The following CASR variants were observed in gnomAD, a reference collection of about 807,000 sequenced individuals.
The protein encoded by CASR is extracellular calcium-sensing receptor.
In CASR, 23 loss-of-function variants were observed where a neutral mutation model predicts 69.1. The ratio of observed to expected loss-of-function variants is 0.33; its 90% confidence interval spans 0.24 to 0.47. The LOEUF is 0.47. Ranked by LOEUF, CASR falls within the 20% of genes least tolerant of loss-of-function variation. CASR has a pLI of 1.00. For synonymous variants in CASR, 541 were observed against 544.7 expected, an observed-to-expected ratio of 0.99 and a Z score of 0.10; for missense variants, 924 against 1,356.1, an observed-to-expected ratio of 0.68 and a Z score of 5.00.
At position 122,261,740 on chromosome 3, in the gene CASR, C is replaced by A. The variant is rs199887150; in HGVS notation, c.705C>A (p.Ile235=). The change falls in exon 4 of 7, where the codon ATC becomes ATA. Residue 235 remains isoleucine (I), a synonymous_variant. Coordinates refer to ENST00000639785, the MANE Select transcript of CASR (RefSeq NM_000388.4). ...KFREEAEERD[I]CIDFSELISQ... ...GAGAGGAAGCTGAGGAAAGGGATAT[C>A]TGCATCGACTTCAGTGAACTCATCT... The A allele has an allele frequency of 9.3e-6, 15 of 1,614,176 alleles. No homozygotes were observed. The African/African-American group carries it at 1.2e-4, about 13-fold the overall frequency.
In CASR at chr3:122,290,662, T is replaced by G. The variant is rs780016435; in HGVS notation, c.*5471T>G. ...AACATGCAACCAAATTTTAAACAGA[T>G]AAGTATATCATATTAGATAGGAATC... On this transcript the variant is annotated 3_prime_UTR_variant, in exon 7 of 7. Transcript: ENST00000639785. The G allele has an allele frequency of 6.6e-6, 1 of 152,012 alleles. No homozygotes were observed. The highest frequency in any genetic ancestry group is 1.5e-5 in the Non-Finnish European group (1 of 68,006). 9.4% of individuals were successfully genotyped at this position (152,012 alleles called of 1,614,324 possible).
intron 2 of CASR, among the ~76,000 whole-genome samples, chr3:122,255,012 C>G (rs1223607837): frequency 6.7e-6 from 1 of 149,298 alleles, no homozygotes; most frequent in Non-Finnish European, 1.5e-5. Context: ...AATAGATTCT[C>G]TCTGTGGCCA....
At chr3:122,274,694 G>C (rs2074795530) in intron 4 of CASR, among the ~76,000 whole-genome samples, 1 of 152,164 alleles carries the variant, frequency 6.6e-6, no homozygotes, top group African/African-American at 2.4e-5. Flanking sequence ...TTGAGCCCAG[G>C]AGTTTGAGAC....
At chr3:122,254,747 A>G (rs532427885) in intron 2 of CASR, among the ~76,000 whole-genome samples, 61 of 152,286 alleles carry the variant, frequency 4.0e-4, no homozygotes, top group African/African-American at 1.4e-3. Flanking sequence ...TTGACCTTAC[A>G]TGCTCCAATG....
At chr3:122,193,109 T>G (rs2073854268) in intron 1 of CASR, among the ~76,000 whole-genome samples, 2 of 152,170 alleles carry the variant, frequency 1.3e-5, no homozygotes, top group Admixed American at 1.3e-4. Flanking sequence ...ACATTGTATC[T>G]TTTTATTTGA....
chr3:122,194,603 G>T (rs1468911892), intron 1 of CASR, among the ~76,000 whole-genome samples: 1 of 152,146 alleles, frequency 6.6e-6, no homozygotes, highest in Admixed American at 6.5e-5. Flanking sequence ...TCATGAGAAG[G>T]AAGTCTTTTT....
chr3:122,276,018 C>A lies in CASR; in HGVS notation c.1584C>A (p.Ile528=). ...GERLFINEEK[I]LWSGFSREVP... Reference sequence around the variant, plus strand: ...GACTCTTCATCAACGAGGAGAAAATCCTGTGGAGTGGGTTCTCCAGGGAGG... The same window carrying A: ...GACTCTTCATCAACGAGGAGAAAATACTGTGGAGTGGGTTCTCCAGGGAGG... The change falls in exon 5 of 7, where the codon ATC becomes ATA. Residue 528 remains isoleucine, a synonymous_variant. Transcript: ENST00000639785. 2 of 1,612,616 alleles carry A rather than the reference C, an allele frequency of 1.2e-6. No homozygotes were observed. The highest frequency in any genetic ancestry group is 1.7e-6 in the Non-Finnish European group (2 of 1,178,628).
At chr3:122,228,885 C>T (rs547641436) in intron 1 of CASR, among the ~76,000 whole-genome samples, 117 of 152,306 alleles carry the variant, frequency 7.7e-4, no homozygotes, top group Admixed American at 1.5e-3. Context: ...GACACCTGAC[C>T]CTCTCCTTTG....
At chr3:122,207,486 A>G (rs763920153) in intron 1 of CASR, among the ~76,000 whole-genome samples, 4 of 152,168 alleles carry the variant, frequency 2.6e-5, no homozygotes, top group Admixed American at 6.5e-5. Context: ...TCTGACTACT[A>G]TGAAATAAAA....
chr3:122,245,845 A>G (rs182968566), intron 1 of CASR, among the ~76,000 whole-genome samples: 1 of 152,354 alleles, frequency 6.6e-6, no homozygotes, highest in East Asian at 1.9e-4. Context: ...AATTAAAACT[A>G]AAAGAATTCT....
At chr3:122,211,991 G>T (rs2074072252) in intron 1 of CASR, among the ~76,000 whole-genome samples, 2 of 152,196 alleles carry the variant, frequency 1.3e-5, no homozygotes, top group African/African-American at 4.8e-5. Context: ...CATTGTGGAA[G>T]ACAGTGTGGC....
intron 4 of CASR, among the ~76,000 whole-genome samples, chr3:122,270,134 C>A (rs1007817000): frequency 2.6e-5 from 4 of 152,104 alleles, no homozygotes; most frequent in Admixed American, 6.5e-5. Flanking sequence ...GAACCACTGT[C>A]CATGGCCTGT....
chr3:122,199,414 A>G lies in CASR; in HGVS notation c.-243+15602A>G, dbSNP rs541188068. On this transcript the variant is annotated intron_variant, in intron 1 of 6. Transcript: ENST00000639785. ...CTAAGAAATTATCTTCCTTTTTTCTATATGCTGAATTATTGTATTTGCAGT... is the reference window on the plus strand; with the variant it reads ...CTAAGAAATTATCTTCCTTTTTTCTGTATGCTGAATTATTGTATTTGCAGT... 1.8e-4 allele frequency among the ~76,000 whole-genome samples: 28 copies of G among 152,312 alleles called. 1 individual carries two copies. The South Asian group carries it at 5.2e-3, about 28-fold the overall frequency.
intron 1 of CASR, among the ~76,000 whole-genome samples, chr3:122,192,976 A>T (rs550728744): frequency 1.3e-5 from 2 of 152,288 alleles, no homozygotes; most frequent in South Asian, 4.2e-4. Context: ...TCTTACTATA[A>T]ATATGCTCAG....
intron 1 of CASR, among the ~76,000 whole-genome samples, chr3:122,189,485 ATGAT>A (rs1453667093): frequency 6.6e-6 from 1 of 152,098 alleles, no homozygotes; most frequent in African/African-American, 2.4e-5. Context: ...TTTTTCATCT[ATGAT>A]TGATTTTTTT....
At chr3:122,252,859 T>C (rs1363660019) in intron 1 of CASR, among the ~76,000 whole-genome samples, 2 of 152,170 alleles carry the variant, frequency 1.3e-5, no homozygotes, top group African/African-American at 4.8e-5. Flanking sequence ...CAGTTGGCAG[T>C]CCAGTGCTTG....
intron 4 of CASR, among the ~76,000 whole-genome samples, chr3:122,275,105 G>A (rs1023859756): frequency 6.6e-6 from 1 of 152,218 alleles, no homozygotes; most frequent in Non-Finnish European, 1.5e-5. Context: ...TGGATATAAA[G>A]TACTTAGGGT....
chr3:122,235,848 C>G (rs111703899), intron 1 of CASR, among the ~76,000 whole-genome samples: 1 of 152,120 alleles, frequency 6.6e-6, no homozygotes, highest in Admixed American at 6.5e-5. Context: ...TTTTAGGAAA[C>G]ACAATTTTTA....
At position 122,257,407 on chromosome 3, in the gene CASR, C is replaced by G; in HGVS notation, c.492+20C>G. The G allele has an allele frequency of 2.5e-6, 4 of 1,588,616 alleles. No individual in the cohort carries two copies. The South Asian group carries it at 3.3e-5, about 13-fold the overall frequency. On this transcript the variant is annotated intron_variant, in intron 3 of 6. Coordinates refer to ENST00000639785, the MANE Select transcript of CASR (RefSeq NM_000388.4). ...CCCCAGGTACTCAAGCCTTCTCAGG[C>G]GGGGCACTGGGAGCAGGATCAGAAG...
Sources: gnomAD v4.1 joint callset for allele counts (sites outside exome capture counted in the v4.1 genomes callset) on GRCh38, gnomAD v4.1.1 for gene constraint, MANE v1.5 for transcripts, NCBI Gene and HGNC (gene_info 2026-07-23, HGNC 2026-07-21) for gene names.